The following ARF4 variants were observed in gnomAD, a reference collection of about 807,000 sequenced individuals.
ARF4 encodes ARF GTPase 4, also known as ADP-ribosylation factor 4.
In ARF4, 5 loss-of-function variants were observed where a neutral mutation model predicts 24.3. The observed-to-expected ratio is 0.21, with a 90% CI of 0.11 to 0.43. ARF4 has a LOEUF of 0.43. ARF4 is among the 20% of genes least tolerant of loss of function. ARF4 has a pLI of 1.00. For synonymous variants in ARF4, 62 were observed against 73.5 expected (o/e 0.84, Z 0.80); for missense variants, 107 against 213.0 (o/e 0.50, Z 3.10).
intron 1 of ARF4, among the ~76,000 whole-genome samples, chr3:57,595,795 C>A (rs1239773538): frequency 1.3e-5 from 2 of 151,818 alleles, no homozygotes; most frequent in Admixed American, 1.3e-4. Flanking sequence ...ACTAATAATA[C>A]AAAAAATTAG....
intron 1 of ARF4, 112 bp downstream of exon 1, chr3:57,596,962 G>A: frequency 8.4e-7 from 1 of 1,191,294 alleles, no homozygotes; most frequent in South Asian, 1.4e-5. Flanking sequence ...CCCCGACCCG[G>A]CGCCCCTCCC....
chr3:57,582,396 C>T (rs184324979), intron 3 of ARF4, among the ~76,000 whole-genome samples: 56 of 151,234 alleles, frequency 3.7e-4, no homozygotes, highest in African/African-American at 1.3e-3. Flanking sequence ...GTGCGCGCCA[C>T]CACGCCCGGC....
intron 1 of ARF4, among the ~76,000 whole-genome samples, chr3:57,585,764 G>A (rs6445913): frequency 0.39 from 58,379 of 150,244 alleles, 12,616 homozygotes; most frequent in South Asian, 0.56. Flanking sequence ...CCAGGTTCAA[G>A]CGATTCTCCT....
At chr3:57,585,624 ACC>A (rs1271098433) in intron 1 of ARF4, among the ~76,000 whole-genome samples, 1 of 150,166 alleles carries the variant, frequency 6.7e-6, no homozygotes, top group African/African-American at 2.5e-5. Context: ...ATAATAAAAG[ACC>A]CTATCACATT....
In ARF4 at chr3:57,596,980, A is replaced by T; in HGVS notation, c.67+94T>A. 2.9e-6 allele frequency: 4 copies of T among 1,374,058 alleles called. No individual in the cohort carries two copies. The South Asian group carries it at 5.0e-5, about 17-fold the overall frequency. The allele number at this position is 1,374,058 out of a possible 1,614,324, so 85.1% of individuals were successfully genotyped here. On this transcript the variant is annotated intron_variant, in intron 1 of 5. Transcript: ENST00000303436. The stretch of plus-strand genomic sequence containing the variant: ...CGACCCGGCGCCCCTCCCCCACCAC[A>T]GCGGGCGGAGGAAAAAAACAGGCCC...
At chr3:57,596,215 A>T (rs115388375) in intron 1 of ARF4, among the ~76,000 whole-genome samples, 88 of 152,290 alleles carry the variant, frequency 5.8e-4, no homozygotes, top group African/African-American at 1.8e-3. Context: ...AAGAAATTTT[A>T]AAAAAATTGT....
chr3:57,572,696 C>T (rs887135186), intron 5 of ARF4, among the ~76,000 whole-genome samples: 2 of 151,838 alleles, frequency 1.3e-5, no homozygotes, highest in South Asian at 2.1e-4. Context: ...GCTACTTCTA[C>T]CTATTCATTA....
chr3:57,576,006 T>C (rs1405466632), intron 4 of ARF4, among the ~76,000 whole-genome samples: 1 of 152,190 alleles, frequency 6.6e-6, no homozygotes, highest in Non-Finnish European at 1.5e-5. Context: ...ATAAAATGTT[T>C]ATGGCAGGTT....
chr3:57,582,363 C>A (rs573811398), intron 3 of ARF4, among the ~76,000 whole-genome samples: 2 of 151,974 alleles, frequency 1.3e-5, no homozygotes, highest in Non-Finnish European at 2.9e-5. Flanking sequence ...CTGCCTCAGC[C>A]TCCTGAGTAG....
chr3:57,578,681 C>T (rs371735702), intron 3 of ARF4, among the ~76,000 whole-genome samples: 4 of 152,012 alleles, frequency 2.6e-5, no homozygotes, highest in Admixed American at 6.6e-5. Flanking sequence ...GGTTTCACCA[C>T]GTTGCCCATG....
At chr3:57,586,317 G>A (rs1575785603) in intron 1 of ARF4, among the ~76,000 whole-genome samples, 2 of 152,236 alleles carry the variant, frequency 1.3e-5, no homozygotes, top group Admixed American at 1.3e-4. Flanking sequence ...GCATGACTTA[G>A]CACATAAAAG....
rs1255592589 is a variant in ARF4, at chr3:57,571,479, C to A, written c.*733G>T. On this transcript the variant is annotated 3_prime_UTR_variant, in exon 6 of 6. Transcript: ENST00000303436. ...AATGAAGATATGTCTGCCCAATAAA[C>A]AAAACATCAGCAGAACTATCATATA... The A allele has an allele frequency of 1.3e-5, 2 of 152,498 alleles. No homozygotes were observed. Among genetic ancestry groups the A allele is most frequent in the Non-Finnish European group, 2.9e-5 (2 of 68,020 alleles). 9.4% of individuals were successfully genotyped at this position (152,498 alleles called of 1,614,324 possible).
At chr3:57,575,045 C>G (rs947828940) in intron 5 of ARF4, among the ~76,000 whole-genome samples, 2 of 151,904 alleles carry the variant, frequency 1.3e-5, no homozygotes, top group African/African-American at 2.4e-5. Context: ...GACAGGGTTT[C>G]TCCCTGGTTG....
At position 57,577,315 on chromosome 3, in the gene ARF4, C is replaced by A; in HGVS notation, c.330+1G>T. 6.2e-7 allele frequency: 1 copy of A among 1,611,340 alleles called. No homozygotes were observed. The highest frequency in any genetic ancestry group is 1.7e-5 in the Admixed American group (1 of 59,978). On this transcript the variant is annotated splice_donor_variant, in intron 4 of 5. Coordinates refer to ENST00000303436, the MANE Select transcript of ARF4 (RefSeq NM_001660.4). LOFTEE classifies it high-confidence loss of function. ...TGATGAATTTAAAGTATATTTCTTACCATTTTCTGCAGCTCATCTGCTACT... is the reference window on the plus strand; with the variant it reads ...TGATGAATTTAAAGTATATTTCTTAACATTTTCTGCAGCTCATCTGCTACT...
intron 1 of ARF4, among the ~76,000 whole-genome samples, chr3:57,585,237 T>G (rs11130592): frequency 0.16 from 24,720 of 152,142 alleles, 2,667 homozygotes; most frequent in East Asian, 0.48. Flanking sequence ...ATTCTTAAGA[T>G]TTGTAAAAAT....
At chr3:57,582,764 T>TA (rs1287300576) in intron 3 of ARF4, among the ~76,000 whole-genome samples, 21 of 131,402 alleles carry the variant, frequency 1.6e-4, no homozygotes, top group South Asian at 1.0e-3. Context: ...TATTAAGTAA[T>TA]AAAAAAAAAC....
intron 4 of ARF4, 37 bp downstream of exon 4, chr3:57,577,279 C>T: frequency 1.9e-6 from 3 of 1,552,290 alleles, no homozygotes; most frequent in Non-Finnish European, 1.8e-6. Flanking sequence ...CAGAAAAGCA[C>T]ACCTTGAAAA....
chr3:57,584,803 C>G (rs1305616829), intron 1 of ARF4, among the ~76,000 whole-genome samples: 1 of 150,960 alleles, frequency 6.6e-6, no homozygotes, highest in Non-Finnish European at 1.5e-5. Context: ...GGGACTGGAT[C>G]AGATCATCTA....
intron 5 of ARF4, among the ~76,000 whole-genome samples, chr3:57,575,314 A>G (rs973670948): frequency 1.3e-5 from 2 of 151,910 alleles, no homozygotes; most frequent in Non-Finnish European, 2.9e-5. Context: ...TCAAAAAAAA[A>G]AAAAAAGAAA....
Sources: allele counts gnomAD v4.1 joint callset (sites outside exome capture counted in the v4.1 genomes callset), GRCh38; gene constraint gnomAD v4.1.1; transcripts MANE v1.5; gene names NCBI Gene and HGNC (gene_info 2026-07-23, HGNC 2026-07-21).